Variants in GAREM1 observed in about 807,000 individuals in gnomAD.
GAREM1 encodes GRB2 associated regulator of MAPK1 subtype 1, also known as GRB2-associated and regulator of MAPK protein 1.
A neutral mutation model predicts 71.3 loss-of-function variants in GAREM1; 26 were observed. The ratio of observed to expected loss-of-function variants is 0.36; its 90% CI spans 0.27 to 0.51. GAREM1 has a LOEUF of 0.51. Ranked by LOEUF, GAREM1 falls within the 20% of genes least tolerant of loss-of-function variation. The pLI, the probability that GAREM1 is intolerant of heterozygous loss-of-function variation, is 0.95. For missense variants in GAREM1, 1,026 were observed against 1,103.1 expected (o/e 0.93, Z 0.99); for synonymous variants, 440 against 433.2 (o/e 1.02, Z -0.20).
rs541629826 is a variant in GAREM1, at chr18:32,423,379, A to G, written c.122-30344T>C. 3.6e-3 allele frequency among the ~76,000 whole-genome samples: 551 copies of G among 152,360 alleles called. 3 individuals carry two copies. Among genetic ancestry groups the G allele is most frequent in the Admixed American group, 5.8e-3 (89 of 15,308 alleles). On this transcript the variant is annotated intron_variant, in intron 1 of 5. Transcript: ENST00000269209. Reference sequence around the variant, plus strand: ...ACTATGTTTTAGTTTACACTGAAAAATACATTCACATGTGAATGTGAAAAC... The same window carrying G: ...ACTATGTTTTAGTTTACACTGAAAAGTACATTCACATGTGAATGTGAAAAC...
intron 1 of GAREM1, among the ~76,000 whole-genome samples, chr18:32,427,593 A>G (rs747610815): frequency 6.6e-5 from 10 of 152,286 alleles, no homozygotes; most frequent in Non-Finnish European, 1.5e-4. Flanking sequence ...ATCACCCACA[A>G]ATGCTCATTA....
intron 1 of GAREM1, among the ~76,000 whole-genome samples, chr18:32,433,230 T>C (rs916168330): frequency 6.6e-6 from 1 of 151,044 alleles, no homozygotes; most frequent in African/African-American, 2.4e-5. Flanking sequence ...CATACCTTTA[T>C]GATTAAAAAA....
At chr18:32,461,837 A>G (rs1225630293) in intron 1 of GAREM1, among the ~76,000 whole-genome samples, 1 of 152,200 alleles carries the variant, frequency 6.6e-6, no homozygotes, top group Non-Finnish European at 1.5e-5. Flanking sequence ...CTGAAGATGC[A>G]TGGGGAGTTT....
chr18:32,461,112 C>CCTCAAATG (rs71177853), intron 1 of GAREM1, among the ~76,000 whole-genome samples: 25,383 of 151,932 alleles, frequency 0.17, 2,236 homozygotes, highest in Admixed American at 0.24. Flanking sequence ...ATAATGTCTG[C>CCTCAAATG]CTCAAATGAA....
chr18:32,412,458 C>T lies in GAREM1; in HGVS notation c.122-19423G>A, dbSNP rs528358147. 7.4e-5 allele frequency: 117 copies of T among 1,590,918 alleles called. 2 individuals are homozygous for T. The South Asian group carries it at 1.2e-3, about 17-fold the overall frequency. On this transcript the variant is annotated intron_variant, in intron 1 of 5. Transcript: ENST00000269209. ...ACCAAATCCATTAGAGCCATCCCCACTGCCACCATATCTACCACCAGCACG... is the reference window on the plus strand; with the variant it reads ...ACCAAATCCATTAGAGCCATCCCCATTGCCACCATATCTACCACCAGCACG...
Position 32,263,743 on chromosome 18 carries a change from C to A in GAREM1, c.*4128G>T, listed in dbSNP as rs901016135. The A allele has an allele frequency of 6.6e-6, 1 of 152,124 alleles. No individual in the cohort carries two copies. Among genetic ancestry groups the A allele is most frequent in the Non-Finnish European group, 1.5e-5 (1 of 68,036 alleles). 9.4% of individuals were successfully genotyped at this position (152,124 alleles called of 1,614,324 possible). ...TACAAAATTCTTTGAAAAGAATACA[C>A]CATTTCCATTTAAGATAAACTCTCC... On this transcript the variant is annotated 3_prime_UTR_variant, in exon 6 of 6. Transcript: ENST00000269209.
At chr18:32,273,532 C>G (rs1203355062) in intron 4 of GAREM1, among the ~76,000 whole-genome samples, 1 of 152,100 alleles carries the variant, frequency 6.6e-6, no homozygotes, top group Admixed American at 6.5e-5. Flanking sequence ...AGGTTTCCCA[C>G]AATGGTGAGG....
chr18:32,445,956 T>C (rs2048782082), intron 1 of GAREM1, among the ~76,000 whole-genome samples: 1 of 152,116 alleles, frequency 6.6e-6, no homozygotes, highest in Non-Finnish European at 1.5e-5. Flanking sequence ...AAGTATCATG[T>C]TGAGGTAAAA....
Position 32,265,684 on chromosome 18 carries a change from G to C in GAREM1, c.*2187C>G, listed in dbSNP as rs1207094769. 2 of 152,048 alleles carry C rather than the reference G, an allele frequency of 1.3e-5. No homozygotes were observed. Among genetic ancestry groups the C allele is most frequent in the African/African-American group, 2.4e-5 (1 of 41,426 alleles). 9.4% of individuals were successfully genotyped at this position (152,048 alleles called of 1,614,324 possible). The stretch of plus-strand genomic sequence containing the variant: ...CAAAAAGAATTTAAAACCCTATTTT[G>C]TGTAAAGTTTTTACAAAAAGAAAAA... On this transcript the variant is annotated 3_prime_UTR_variant, in exon 6 of 6. Transcript: ENST00000269209.
At chr18:32,449,529 A>G (rs2048814352) in intron 1 of GAREM1, among the ~76,000 whole-genome samples, 1 of 152,054 alleles carries the variant, frequency 6.6e-6, no homozygotes, top group South Asian at 2.1e-4. Context: ...ATATATTTAA[A>G]AAAAATTAGT....
chr18:32,378,411 A>G (rs1241513365), intron 2 of GAREM1, among the ~76,000 whole-genome samples: 1 of 151,742 alleles, frequency 6.6e-6, no homozygotes, highest in African/African-American at 2.4e-5. Flanking sequence ...GAGGCACGAG[A>G]ATCTCTTGAA....
chr18:32,413,435 T>C (rs1462585803), intron 1 of GAREM1, among the ~76,000 whole-genome samples: 1 of 152,222 alleles, frequency 6.6e-6, no homozygotes, highest in African/African-American at 2.4e-5. Flanking sequence ...TTTAATATTC[T>C]CTGTACACAT....
At chr18:32,319,119 CAG>C (rs1441951439) in intron 2 of GAREM1, among the ~76,000 whole-genome samples, 1 of 152,170 alleles carries the variant, frequency 6.6e-6, no homozygotes, top group Non-Finnish European at 1.5e-5. Context: ...TTACCTTTTT[CAG>C]AGACAGGCCA....
intron 2 of GAREM1, among the ~76,000 whole-genome samples, chr18:32,354,369 T>C (rs2144597435): frequency 6.6e-6 from 1 of 151,958 alleles, no homozygotes; most frequent in African/African-American, 2.4e-5. Flanking sequence ...GGCACATAGG[T>C]CAATAAATCT....
chr18:32,307,363 T>A (rs944498658), intron 3 of GAREM1, among the ~76,000 whole-genome samples: 1 of 152,216 alleles, frequency 6.6e-6, no homozygotes, highest in Non-Finnish European at 1.5e-5. Flanking sequence ...AGGTTTGAAA[T>A]CTTTCTTTTA....
chr18:32,461,630 G>A (rs1245511802), intron 1 of GAREM1, among the ~76,000 whole-genome samples: 3 of 152,140 alleles, frequency 2.0e-5, no homozygotes, highest in Non-Finnish European at 4.4e-5. Flanking sequence ...GGGAGTTCAA[G>A]GCTGCAGTGA....
At chr18:32,380,412 G>A (rs2048083659) in intron 2 of GAREM1, among the ~76,000 whole-genome samples, 1 of 148,044 alleles carries the variant, frequency 6.8e-6, no homozygotes, top group Non-Finnish European at 1.5e-5. Flanking sequence ...GGAGGCGGAG[G>A]TTGCAGACAG....
intron 1 of GAREM1, chr18:32,412,177 C>A (rs1191113429): frequency 6.6e-7 from 1 of 1,523,410 alleles, no homozygotes; most frequent in African/African-American, 1.4e-5. Flanking sequence ...CCTGTCACTT[C>A]TCTGGCTCTC....
chr18:32,396,391 G>A (rs1261923085), intron 1 of GAREM1, among the ~76,000 whole-genome samples: 4 of 152,182 alleles, frequency 2.6e-5, no homozygotes, highest in Non-Finnish European at 4.4e-5. Flanking sequence ...CCATTGCAAA[G>A]GAGATAAAAA....
Sources: allele counts gnomAD v4.1 joint callset (sites outside exome capture counted in the v4.1 genomes callset), GRCh38; gene constraint gnomAD v4.1.1; transcripts MANE v1.5; gene names NCBI Gene and HGNC (gene_info 2026-07-23, HGNC 2026-07-21).